Variants in GRAMD1B observed in about 807,000 individuals in gnomAD.
GRAMD1B encodes protein Aster-B.
A neutral mutation model predicts 99.7 loss-of-function variants in GRAMD1B; 37 were observed. That is an observed-to-expected ratio of 0.37 (90% CI 0.29 to 0.49). GRAMD1B has a LOEUF of 0.49. Among genes scored for constraint, GRAMD1B ranks in the 20% least tolerant of loss-of-function variants. GRAMD1B has a pLI of 0.98. For synonymous variants in GRAMD1B, 427 were observed against 387.6 expected (o/e 1.10, Z -1.19); for missense variants, 888 against 1,009.2 (o/e 0.88, Z 1.63).
At chr11:123,463,548 G>A (rs1445088225) in intron 1 of GRAMD1B, among the ~76,000 whole-genome samples, 2 of 152,240 alleles carry the variant, frequency 1.3e-5, no homozygotes, top group Non-Finnish European at 2.9e-5. Context: ...GTAGCCAACA[G>A]GTTCTCTCCA....
At position 123,419,761 on chromosome 11, in the gene GRAMD1B, AAG is replaced by A. The variant is rs1491029993; in HGVS notation, c.-176+60971_-176+60972del. On this transcript the variant is annotated intron_variant, in intron 1 of 20. Transcript: ENST00000638157. The stretch of plus-strand genomic sequence containing the variant: ...TGTGTGTGTGTGAATGAGAAAGAGA[AAG>A]AGAGAGAGGGAGCAAGAAAAAGGAA... 1.2e-4 allele frequency among the ~76,000 whole-genome samples: 12 copies of A among 103,812 alleles called. 1 individual carries two copies. The highest frequency in any genetic ancestry group is 5.7e-3 in the Middle Eastern group (1 of 174). 68.1% of individuals were successfully genotyped at this position (103,812 alleles called of 152,430 possible).
At chr11:123,592,117 G>C (rs1374250135) in intron 4 of GRAMD1B, among the ~76,000 whole-genome samples, 1 of 152,244 alleles carries the variant, frequency 6.6e-6, no homozygotes, top group African/African-American at 2.4e-5. Context: ...TTCACCTGAA[G>C]TGTGTTTGGG....
At chr11:123,503,665 G>T (rs1463458510) in intron 2 of GRAMD1B, among the ~76,000 whole-genome samples, 1 of 151,882 alleles carries the variant, frequency 6.6e-6, no homozygotes, top group East Asian at 1.9e-4. Flanking sequence ...TCCTGCCTCA[G>T]CCTTCCAAGT....
intron 7 of GRAMD1B, among the ~76,000 whole-genome samples, chr11:123,599,828 A>C (rs1336779351): frequency 6.6e-6 from 1 of 152,150 alleles, no homozygotes; most frequent in African/African-American, 2.4e-5. Context: ...AAGTTGCCTA[A>C]CCTCAACAGC....
chr11:123,599,350 C>T (rs1251026052), intron 7 of GRAMD1B: 8 of 695,930 alleles, frequency 1.1e-5, no homozygotes, highest in South Asian at 9.5e-5. Context: ...TTGATCTGGT[C>T]CCAGAGCATG....
chr11:123,589,004 A>C (rs1950348517), intron 4 of GRAMD1B, among the ~76,000 whole-genome samples: 1 of 151,950 alleles, frequency 6.6e-6, no homozygotes, highest in Non-Finnish European at 1.5e-5. Flanking sequence ...ATTTTATATA[A>C]TATTTTAAAT....
chr11:123,521,607 A>ACAAT, intron 2 of GRAMD1B, among the ~76,000 whole-genome samples: 1 of 152,230 alleles, frequency 6.6e-6, no homozygotes, highest in East Asian at 1.9e-4. Flanking sequence ...CTCTCAGGGT[A>ACAAT]CAATCAGTGT....
intron 2 of GRAMD1B, among the ~76,000 whole-genome samples, chr11:123,488,113 G>A (rs144729048): frequency 6.6e-6 from 1 of 152,204 alleles, no homozygotes; most frequent in Non-Finnish European, 1.5e-5. Flanking sequence ...GTCCTTACGT[G>A]GTAAAAAGGA....
At chr11:123,576,434 T>A (rs1056371602) in intron 2 of GRAMD1B, among the ~76,000 whole-genome samples, 2 of 152,234 alleles carry the variant, frequency 1.3e-5, no homozygotes, top group Non-Finnish European at 2.9e-5. Flanking sequence ...CTTTCCTTTC[T>A]CCACTCTCGG....
chr11:123,366,804 A>C (rs933267247), intron 1 of GRAMD1B, among the ~76,000 whole-genome samples: 1 of 152,216 alleles, frequency 6.6e-6, no homozygotes, highest in Non-Finnish European at 1.5e-5. Flanking sequence ...TACCAATTGT[A>C]GACAGGGTGT....
intron 1 of GRAMD1B, among the ~76,000 whole-genome samples, chr11:123,391,668 C>T (rs1436857864): frequency 1.3e-5 from 2 of 152,140 alleles, no homozygotes; most frequent in Non-Finnish European, 2.9e-5. Flanking sequence ...GTTGGTCAGG[C>T]TGGTCTTGAA....
Position 123,608,664 on chromosome 11 carries a change from G to A in GRAMD1B, c.1519G>A (p.Val507Ile), listed in dbSNP as rs200540342. The change falls in exon 12 of 20, where the codon GTC becomes ATC. Residue 507 changes from valine to isoleucine, a missense_variant. Coordinates refer to ENST00000635736, the MANE Select transcript of GRAMD1B (RefSeq NM_001387025.1). ...TGATCCTCTCTTCTGTGCAGGAGAG[G>A]TCCAGGCCTTCTATGAGGACCTGAG... ...DSSDTHDEGE[V>I]QAFYEDLSGR... 2.4e-3 allele frequency: 3,753 copies of A among 1,578,154 alleles called. 6 individuals carry two copies. The highest frequency in any genetic ancestry group is 3.0e-3 in the Non-Finnish European group (3,497 of 1,161,046).
chr11:123,563,137 C>T (rs1057083977), intron 2 of GRAMD1B, among the ~76,000 whole-genome samples: 3 of 152,110 alleles, frequency 2.0e-5, no homozygotes, highest in Admixed American at 6.5e-5. Context: ...ATGAGAGCCA[C>T]GTGAAAATGT....
In GRAMD1B at chr11:123,624,903, G is replaced by A. The variant is rs1157136903; in HGVS notation, c.*2308G>A. 2.0e-5 allele frequency: 3 copies of A among 152,202 alleles called. No individual in the cohort carries two copies. The highest frequency in any genetic ancestry group is 7.2e-5 in the African/African-American group (3 of 41,452). 9.4% of individuals were successfully genotyped at this position (152,202 alleles called of 1,614,324 possible). On this transcript the variant is annotated 3_prime_UTR_variant, in exon 20 of 20. Transcript: ENST00000635736. ...TTACCTCTCAGGACCATTCCCAGGA[G>A]GAAAAGGTGGCAGAGAGGGCAGTAC...
chr11:123,597,903 A>G, intron 7 of GRAMD1B: 1 of 898,528 alleles, frequency 1.1e-6, no homozygotes, highest in Non-Finnish European at 1.9e-6. Context: ...ATCTCAGGGA[A>G]GCCTGGGCTA....
chr11:123,523,853 G>T (rs186876295), intron 2 of GRAMD1B, among the ~76,000 whole-genome samples: 164 of 152,316 alleles, frequency 1.1e-3, no homozygotes, highest in Middle Eastern at 3.4e-3. Context: ...CTGGGTACAG[G>T]CTCCAGGAGC....
chr11:123,432,191 GA>G, intron 1 of GRAMD1B: 1 of 396,076 alleles, frequency 2.5e-6, no homozygotes, highest in Non-Finnish European at 4.5e-6. Context: ...TGATGTTGAG[GA>G]GGGTGTGGGG....
chr11:123,440,141 T>C (rs922169607), intron 1 of GRAMD1B, among the ~76,000 whole-genome samples: 16 of 152,350 alleles, frequency 1.1e-4, no homozygotes, highest in African/African-American at 3.8e-4. Flanking sequence ...AAGCTTGTTG[T>C]CTTAAAAGGA....
At chr11:123,556,611 G>A (rs1287252631) in intron 2 of GRAMD1B, among the ~76,000 whole-genome samples, 1 of 152,216 alleles carries the variant, frequency 6.6e-6, no homozygotes, top group Non-Finnish European at 1.5e-5. Flanking sequence ...AAAAGTAGAA[G>A]ATAGTGTCAG....
Sources: allele counts gnomAD v4.1 joint callset (sites outside exome capture counted in the v4.1 genomes callset), GRCh38; gene constraint gnomAD v4.1.1; transcripts MANE v1.5; gene names NCBI Gene and HGNC (gene_info 2026-07-23, HGNC 2026-07-21).